CFAP91: variants seen among roughly 807,000 people sequenced by gnomAD.
CFAP91 encodes the protein cilia- and flagella-associated protein 91.
Under a neutral mutation model 95.9 loss-of-function variants are expected in CFAP91, and 85 were observed. The ratio of observed to expected loss-of-function variants is 0.89; its 90% CI spans 0.74 to 1.06. The LOEUF (loss-of-function observed/expected upper bound fraction) is 1.06. Ranked by LOEUF, CFAP91 falls within the 50% of genes least tolerant of loss-of-function variation. The pLI is 0.00. For missense variants in CFAP91, 962 were observed against 943.4 expected, an observed-to-expected ratio of 1.02 and a Z score of -0.26; for synonymous variants, 335 against 327.5, an observed-to-expected ratio of 1.02 and a Z score of -0.25.
chr3:119,728,644 G>A (rs376585077), intron 7 of CFAP91, among the ~76,000 whole-genome samples: 7 of 152,004 alleles, frequency 4.6e-5, no homozygotes, highest in Non-Finnish European at 7.4e-5. Flanking sequence ...CTACACTCTC[G>A]CCCCTCTCAA....
At chr3:119,737,034 C>T (rs1180940431) in intron 10 of CFAP91, among the ~76,000 whole-genome samples, 2 of 152,118 alleles carry the variant, frequency 1.3e-5, no homozygotes, top group Admixed American at 6.5e-5. Flanking sequence ...TGGGGTTTCT[C>T]TATGTTGGTC....
At chr3:119,729,244 T>A (rs949485888) in intron 7 of CFAP91, among the ~76,000 whole-genome samples, 27 of 151,900 alleles carry the variant, frequency 1.8e-4, no homozygotes, top group African/African-American at 5.3e-4. Flanking sequence ...GGGAAGAAGG[T>A]GTAAGAGGGT....
In CFAP91 at chr3:119,740,600, T is replaced by C. The variant is rs145080238; in HGVS notation, c.1585T>C (p.Cys529Arg). Residue 529 changes from cysteine to arginine, a missense_variant, in exon 13 of 18, where the codon TGC becomes CGC. Transcript: ENST00000273390. Reference sequence around the variant, plus strand: ...GGAGTTGATCCAGGAGTTGCGCACCTGCCACGCACTACAAGAAGATGAAAA... The same window carrying C: ...GGAGTTGATCCAGGAGTTGCGCACCCGCCACGCACTACAAGAAGATGAAAA... ...RLELIQELRT[C>R]HALQEDEKLV... is the part of the protein sequence containing the mutation. 6.2e-7 allele frequency: 1 copy of C among 1,614,056 alleles called. No individual in the cohort carries two copies. The highest frequency in any genetic ancestry group is 8.5e-7 in the Non-Finnish European group (1 of 1,180,030).
chr3:119,731,233 A>AAAAT (rs1008218351), intron 8 of CFAP91, among the ~76,000 whole-genome samples: 4 of 152,166 alleles, frequency 2.6e-5, no homozygotes, highest in Admixed American at 1.3e-4. Context: ...ACCTTGTCTC[A>AAAAT]AAATAAATAA....
At chr3:119,763,207 A>G (rs1577254279) in intron 17 of CFAP91, among the ~76,000 whole-genome samples, 2 of 152,096 alleles carry the variant, frequency 1.3e-5, no homozygotes, top group Admixed American at 6.6e-5. Context: ...TGGCCAACAG[A>G]TACATGAAAA....
chr3:119,707,379 C>T, intron 2 of CFAP91, 25 bp from the exon 3 acceptor site: 1 of 1,498,522 alleles, frequency 6.7e-7, no homozygotes, highest in East Asian at 2.3e-5. Flanking sequence ...TAATTTTGTC[C>T]TTTGCCTCCC....
chr3:119,712,498 C>T (rs2053489365), intron 5 of CFAP91, among the ~76,000 whole-genome samples: 1 of 152,112 alleles, frequency 6.6e-6, no homozygotes, highest in Non-Finnish European at 1.5e-5. Context: ...AATAAAACTT[C>T]ATGTGACTTC....
At chr3:119,715,385 T>G (rs2053554567) in intron 5 of CFAP91, 177 bp from the exon 6 acceptor site, 4 of 715,940 alleles carry the variant, frequency 5.6e-6, no homozygotes, top group Non-Finnish European at 1.0e-5. Flanking sequence ...AACAAGGCAA[T>G]TCTCTCAAGA....
intron 7 of CFAP91, 86 bp downstream of exon 7, chr3:119,726,434 G>A (rs570233156): frequency 2.4e-5 from 31 of 1,313,276 alleles, no homozygotes; most frequent in African/African-American, 3.0e-5. Context: ...TCTCCCAAAT[G>A]TATGGGTTGA....
intron 10 of CFAP91, among the ~76,000 whole-genome samples, chr3:119,734,859 G>A (rs570712100): frequency 3.3e-5 from 5 of 152,180 alleles, no homozygotes; most frequent in African/African-American, 1.2e-4. Context: ...GGGATGATTT[G>A]TTCCTTCACT....
intron 17 of CFAP91, among the ~76,000 whole-genome samples, chr3:119,757,534 C>G (rs2054456364): frequency 6.6e-6 from 1 of 152,124 alleles, no homozygotes. Context: ...GTAGTCCCAG[C>G]TATTCGGGAA....
chr3:119,717,830 A>T (rs780342714), intron 6 of CFAP91, among the ~76,000 whole-genome samples: 1 of 152,178 alleles, frequency 6.6e-6, no homozygotes, highest in South Asian at 2.1e-4. Context: ...AAGAAACAGC[A>T]GCATATAGTA....
rs536617826 is a variant in CFAP91 at position 119,757,988 on chromosome 3, C to T, written c.*1+6890C>T. Among the ~76,000 whole-genome samples, 281 of 152,282 alleles carry T rather than the reference C, an allele frequency of 1.8e-3. 1 individual carries two copies. Among genetic ancestry groups the T allele is most frequent in the Non-Finnish European group, 3.4e-3 (230 of 68,036 alleles). On this transcript the variant is annotated intron_variant, in intron 17 of 17. Coordinates refer to ENST00000273390, the MANE Select transcript of CFAP91 (RefSeq NM_033364.4). ...AATAAAATTCACTCAGTTCCATGGA[C>T]TTAACCATTGACACTTCTATAATTT... is the stretch of plus-strand genomic sequence containing the variant.
At chr3:119,748,241 T>G (rs1577239997) in intron 16 of CFAP91, among the ~76,000 whole-genome samples, 1 of 152,222 alleles carries the variant, frequency 6.6e-6, no homozygotes, top group Non-Finnish European at 1.5e-5. Context: ...ATTTTCACAT[T>G]GTAGCAGCCT....
At chr3:119,760,916 A>G (rs2054526448) in intron 17 of CFAP91, among the ~76,000 whole-genome samples, 1 of 149,312 alleles carries the variant, frequency 6.7e-6, no homozygotes, top group Non-Finnish European at 1.5e-5. Context: ...GCTTGCATCG[A>G]AAAAGAAGAA....
chr3:119,707,220 C>A, intron 2 of CFAP91, 184 bp from the exon 3 acceptor site: 1 of 524,366 alleles, frequency 1.9e-6, no homozygotes, highest in Non-Finnish European at 3.3e-6. Flanking sequence ...TCCACATAAA[C>A]AGCCATTGTC....
intron 17 of CFAP91, among the ~76,000 whole-genome samples, chr3:119,757,734 G>A (rs1054815325): frequency 4.6e-5 from 7 of 151,914 alleles, no homozygotes; most frequent in African/African-American, 9.7e-5. Flanking sequence ...AGAATATTAC[G>A]CCCAACAACT....
At chr3:119,726,736 T>C (rs1446158632) in intron 7 of CFAP91, among the ~76,000 whole-genome samples, 1 of 152,004 alleles carries the variant, frequency 6.6e-6, no homozygotes, top group East Asian at 1.9e-4. Flanking sequence ...TTCATGTTCA[T>C]TCCCAGCGCC....
chr3:119,743,565 A>G (rs1380398165), intron 13 of CFAP91, among the ~76,000 whole-genome samples: 4 of 152,378 alleles, frequency 2.6e-5, no homozygotes, highest in South Asian at 2.1e-4. Context: ...AACTGATATC[A>G]TGAGTGAATT....
Sources: gnomAD v4.1 joint callset for allele counts (sites outside exome capture counted in the v4.1 genomes callset) on GRCh38, gnomAD v4.1.1 for gene constraint, MANE v1.5 for transcripts, NCBI Gene and HGNC (gene_info 2026-07-23, HGNC 2026-07-21) for gene names.